The following DIPK1A variants were observed in gnomAD, a reference collection of about 807,000 sequenced individuals.
DIPK1A encodes family with sequence similarity 69 member A.
DIPK1A carries 27 observed loss-of-function variants against 40.8 expected under a neutral mutation model. The observed-to-expected ratio is 0.66, with a 90% CI of 0.49 to 0.91. The LOEUF is 0.91. Ranked by LOEUF, DIPK1A falls within the 40% of genes least tolerant of loss-of-function variation. The pLI, the probability that DIPK1A is intolerant of heterozygous loss-of-function variation, is 0.00. For synonymous variants in DIPK1A, 166 were observed against 171.3 expected (o/e 0.97, Z 0.24); for missense variants, 412 against 505.7 (o/e 0.81, Z 1.78).
At chr1:92,832,934 A>G in exon 5 of DIPK1A, 1 of 689,694 alleles carries the variant, frequency 1.4e-6, no homozygotes, top group Non-Finnish European at 2.6e-6. Context: ...AGGTTTTCGA[A>G]GTGGGACATA....
rs368038056 is a variant in DIPK1A at position 92,842,566 on chromosome 1, A to AGTT, written c.*814_*816dup. The AGTT allele has an allele frequency of 7.1e-5, 70 of 984,918 alleles. 1 individual carries two copies. In the African/African-American group the frequency reaches 1.1e-3, roughly 15 times the overall value. 61.0% of individuals were successfully genotyped at this position (984,918 alleles called of 1,614,324 possible). On this transcript the variant is annotated 3_prime_UTR_variant, in exon 5 of 5. Transcript: ENST00000370310. ...CAGGATATACTGTTTGAAAATGGAAAGTTATTACTAAAAAGTCTGCTATAA... is the reference window on the plus strand; with the variant it reads ...CAGGATATACTGTTTGAAAATGGAAAGTTGTTATTACTAAAAAGTCTGCTATAA...
intron 1 of DIPK1A, among the ~76,000 whole-genome samples, chr1:92,892,311 C>T (rs1648928783): frequency 6.6e-6 from 1 of 152,112 alleles, no homozygotes; most frequent in African/African-American, 2.4e-5. Context: ...TGAGACAAAA[C>T]TTCCAGAGGA....
At chr1:92,934,105 T>A (rs1650862477) in intron 1 of DIPK1A, 1 of 152,170 alleles carries the variant, frequency 6.6e-6, no homozygotes, top group African/African-American at 2.4e-5. Context: ...GTTAAAGGTA[T>A]GAAAGACTGA....
chr1:92,921,774 T>C (rs1236928642), intron 1 of DIPK1A, among the ~76,000 whole-genome samples: 1 of 152,190 alleles, frequency 6.6e-6, no homozygotes, highest in East Asian at 1.9e-4. Context: ...AAGCAAGTCA[T>C]CTATAAAAGG....
intron 4 of DIPK1A, among the ~76,000 whole-genome samples, chr1:92,834,236 G>C (rs1687030120): frequency 1.3e-5 from 2 of 152,314 alleles, no homozygotes; most frequent in Admixed American, 1.3e-4. Flanking sequence ...AGGTAGTTGT[G>C]AATTAAACAG....
At chr1:92,891,634 C>T (rs1414257019) in intron 1 of DIPK1A, among the ~76,000 whole-genome samples, 1 of 152,122 alleles carries the variant, frequency 6.6e-6, no homozygotes, top group Admixed American at 6.5e-5. Context: ...CTGGGTTCAT[C>T]GCACTGGGGA....
chr1:92,865,621 G>A (rs1647499192), intron 2 of DIPK1A, among the ~76,000 whole-genome samples: 2 of 152,094 alleles, frequency 1.3e-5, no homozygotes, highest in South Asian at 4.1e-4. Flanking sequence ...CTAGAGTCAA[G>A]CCCTAAATAA....
At chr1:92,900,881 G>A (rs1649386275) in intron 1 of DIPK1A, among the ~76,000 whole-genome samples, 1 of 146,464 alleles carries the variant, frequency 6.8e-6, no homozygotes, top group Non-Finnish European at 1.5e-5. Context: ...GCTTTTTCAT[G>A]TTTTTTTTTT....
chr1:92,914,280 C>T, intron 1 of DIPK1A, among the ~76,000 whole-genome samples: 1 of 151,556 alleles, frequency 6.6e-6, no homozygotes, highest in East Asian at 1.9e-4. Context: ...GGGAAAAAAA[C>T]CCACAGTGTA....
In DIPK1A at chr1:92,858,445, C is replaced by T. The variant is rs79324563; in HGVS notation, c.190-7490G>A. ...CATTCATCTTCAAACCTCCCCTCCT[C>T]TCTAGCACACAGCACAGTTTGGTAT... On this transcript the variant is annotated intron_variant, in intron 2 of 4. Coordinates refer to ENST00000370310, the MANE Select transcript of DIPK1A (RefSeq NM_001006605.5). Among the ~76,000 whole-genome samples, 1,515 of 152,294 alleles carry T rather than the reference C, an allele frequency of 9.9e-3. 22 individuals are homozygous for T. Among genetic ancestry groups the T allele is most frequent in the African/African-American group, 0.035 (1,437 of 41,552 alleles).
At chr1:92,854,985 C>G (rs1216105489) in intron 2 of DIPK1A, among the ~76,000 whole-genome samples, 1 of 151,138 alleles carries the variant, frequency 6.6e-6, no homozygotes, top group Non-Finnish European at 1.5e-5. Flanking sequence ...ATTCTCTGAC[C>G]ACATATAAAT....
chr1:92,843,393 T>C lies in DIPK1A; in HGVS notation c.1277A>G (p.Asn426Ser), dbSNP rs1246701940. 3.9e-6 allele frequency: 6 copies of C among 1,539,540 alleles called. No homozygotes were observed. The Admixed American group carries it at 6.0e-5, about 15-fold the overall frequency. Residue 426 changes from asparagine to serine, a missense_variant, in exon 5 of 5, where the codon AAT (asparagine) becomes AGT (serine). Asn to Ser is a conservative substitution (Grantham distance 46). Transcript: ENST00000370310. ...TTATGTCCAAATGAACTAAGAGTCATTAGTGTAGGAAATTTTCTTCCACAA... is the reference window on the plus strand; with the variant it reads ...TTATGTCCAAATGAACTAAGAGTCACTAGTGTAGGAAATTTTCTTCCACAA... ...TLLWKKISYTNDS is the reference protein window; with the variant it reads ...TLLWKKISYTSDS
At chr1:92,902,539 G>T (rs888400895) in intron 1 of DIPK1A, among the ~76,000 whole-genome samples, 10 of 152,178 alleles carry the variant, frequency 6.6e-5, no homozygotes, top group South Asian at 2.1e-4. Context: ...TCATCTATAG[G>T]GAGACCATAG....
At chr1:92,863,840 C>T (rs1017420008) in intron 2 of DIPK1A, among the ~76,000 whole-genome samples, 2 of 151,888 alleles carry the variant, frequency 1.3e-5, no homozygotes, top group African/African-American at 4.8e-5. Context: ...CACTTAAGGT[C>T]GGTCAGGAGT....
chr1:92,848,252 CATT>C (rs1456081084), intron 3 of DIPK1A, among the ~76,000 whole-genome samples: 6 of 152,244 alleles, frequency 3.9e-5, no homozygotes, highest in Non-Finnish European at 8.8e-5. Flanking sequence ...CCAAAGAAAA[CATT>C]ATTTCACTGC....
Position 92,942,662 on chromosome 1 carries a change from ATTTT to A in DIPK1A, c.54+18710_54+18713del, listed in dbSNP as rs550860785. Among the ~76,000 whole-genome samples, 119 of 151,788 alleles carry A rather than the reference ATTTT, an allele frequency of 7.8e-4. 1 individual carries two copies. Among genetic ancestry groups the A allele is most frequent in the African/African-American group, 2.7e-3 (113 of 41,348 alleles). Reference sequence around the variant, plus strand: ...AAATACTTTGTTAATTAGGTTTTTTATTTTTATTTATTTTTGAGACAGAGTCTAG... The same window carrying A: ...AAATACTTTGTTAATTAGGTTTTTTATATTTATTTTTGAGACAGAGTCTAG... On this transcript the variant is annotated intron_variant, in intron 1 of 4. Coordinates refer to ENST00000370310, the MANE Select transcript of DIPK1A (RefSeq NM_001006605.5).
intron 4 of DIPK1A, chr1:92,836,899 T>C (rs1687153503): frequency 4.8e-6 from 1 of 208,070 alleles, no homozygotes; most frequent in Admixed American, 5.3e-5. Flanking sequence ...TGATATTTTT[T>C]GTTGTTGAGT....
chr1:92,832,898 G>A (rs1686965017), exon 5 of DIPK1A: 1 of 653,364 alleles, frequency 1.5e-6, no homozygotes, highest in African/African-American at 1.8e-5. Context: ...GGAAGCGAGA[G>A]AGGTACGTAG....
intron 2 of DIPK1A, among the ~76,000 whole-genome samples, chr1:92,873,614 C>CAA (rs201704736): frequency 3.8e-5 from 3 of 78,088 alleles, no homozygotes; most frequent in Non-Finnish European, 5.6e-5. Flanking sequence ...AACTCTGTCT[C>CAA]AAAAAAAAAA....
Sources: allele counts gnomAD v4.1 joint callset (sites outside exome capture counted in the v4.1 genomes callset), GRCh38; gene constraint gnomAD v4.1.1; transcripts MANE v1.5; gene names NCBI Gene and HGNC (gene_info 2026-07-23, HGNC 2026-07-21).